The following GLRA2 variants were observed in gnomAD, a reference collection of about 807,000 sequenced individuals.
The protein encoded by GLRA2 is glycine receptor alpha 2.
In GLRA2, 11 loss-of-function variants were observed where a neutral mutation model predicts 31.6. The observed-to-expected ratio is 0.35, with a 90% CI of 0.22 to 0.58. GLRA2 has a LOEUF of 0.58. GLRA2 is among the 20% of genes least tolerant of loss of function. The probability of loss-of-function intolerance (pLI) is 0.84; values close to 1 mark genes in which losing one functional copy is unlikely to be tolerated. For missense variants in GLRA2, 212 were observed against 351.8 expected (o/e 0.60, Z 3.18); for synonymous variants, 132 against 134.0 (o/e 0.99, Z 0.10).
intron 7 of GLRA2, among the ~76,000 whole-genome samples, chrX:14,681,911 A>AAAAAATATATATATATATATATATG (rs2091212386): frequency 1.8e-5 from 1 of 56,820 alleles, no homozygotes; most frequent in African/African-American, 8.8e-5. Context: ...AAAAAAAAAA[A>AAAAAATATATATATATATATATATG]TATATATATA....
chrX:14,715,953 A>G (rs763117960), intron 8 of GLRA2, among the ~76,000 whole-genome samples: 79 of 111,918 alleles, frequency 7.1e-4, no homozygotes, highest in Admixed American at 1.4e-3. Context: ...ATTAAAATGT[A>G]GGTCCCTTGT....
chrX:14,690,205 A>C (rs1463402530), intron 7 of GLRA2, among the ~76,000 whole-genome samples: 1 of 112,075 alleles, frequency 8.9e-6, no homozygotes, highest in Non-Finnish European at 1.9e-5. Flanking sequence ...CAATTTAAAA[A>C]ATAGAAGTGA....
intron 7 of GLRA2, among the ~76,000 whole-genome samples, chrX:14,682,647 C>T (rs1289686339): frequency 9.1e-6 from 1 of 109,938 alleles, no homozygotes; most frequent in African/African-American, 3.3e-5. Flanking sequence ...GTGTGCTGCA[C>T]CCGATAACTC....
intron 7 of GLRA2, among the ~76,000 whole-genome samples, chrX:14,618,117 C>T (rs1343394402): frequency 8.9e-6 from 1 of 112,001 alleles, no homozygotes; most frequent in African/African-American, 3.2e-5. Flanking sequence ...TTTGAAACCA[C>T]TCTTAAAATT....
chrX:14,625,940 G>T lies in GLRA2; in HGVS notation c.930+16735G>T, dbSNP rs1011652298. Among the ~76,000 whole-genome samples, 34 of 111,953 alleles carry T rather than the reference G, an allele frequency of 3.0e-4. 1 individual carries two copies. The highest frequency in any genetic ancestry group is 7.5e-5 in the Non-Finnish European group (4 of 53,069). ...CAGAAGGGTTAAATACCTTGCTCAA[G>T]GTCATACAGAGCTAGACCTTAAACT... On this transcript the variant is annotated intron_variant, in intron 7 of 8. Coordinates refer to ENST00000218075, the MANE Select transcript of GLRA2 (RefSeq NM_002063.4).
At chrX:14,682,135 G>A (rs1041694502) in intron 7 of GLRA2, among the ~76,000 whole-genome samples, 11 of 106,519 alleles carry the variant, frequency 1.0e-4, no homozygotes, top group African/African-American at 3.4e-4. Flanking sequence ...AAGAAACATG[G>A]CCCCTAACTC....
chrX:14,524,649 G>T (rs941899240), upstream of GLRA2, among the ~76,000 whole-genome samples: 1 of 111,284 alleles, frequency 9.0e-6, no homozygotes, highest in Non-Finnish European at 1.9e-5. Flanking sequence ...TAAAAGTCCT[G>T]ACACAGGATA....
chrX:14,642,522 A>G (rs746598301), intron 7 of GLRA2, among the ~76,000 whole-genome samples: 1 of 110,883 alleles, frequency 9.0e-6, no homozygotes, highest in East Asian at 2.8e-4. Context: ...TCCTTTATCA[A>G]TCTATGCCAT....
intron 7 of GLRA2, among the ~76,000 whole-genome samples, chrX:14,685,338 CT>C (rs1006716261): frequency 9.0e-6 from 1 of 111,671 alleles, no homozygotes; most frequent in African/African-American, 3.3e-5. Flanking sequence ...CATAAAATGA[CT>C]TAGGGAGGAT....
intron 7 of GLRA2, among the ~76,000 whole-genome samples, chrX:14,649,637 T>G (rs2147136760): frequency 8.9e-6 from 1 of 112,022 alleles, no homozygotes; most frequent in Non-Finnish European, 1.9e-5. Flanking sequence ...ATTAATTGTA[T>G]TTTTAATGTT....
At chrX:14,706,671 G>A (rs2091627654) in intron 8 of GLRA2, among the ~76,000 whole-genome samples, 1 of 111,564 alleles carries the variant, frequency 9.0e-6, no homozygotes, top group South Asian at 3.8e-4. Context: ...TCCTATAACT[G>A]AGAAGGTTCC....
At chrX:14,552,407 T>A (rs1001240426) in intron 2 of GLRA2, among the ~76,000 whole-genome samples, 1 of 112,424 alleles carries the variant, frequency 8.9e-6, no homozygotes, top group Admixed American at 9.4e-5. Context: ...ATGCTCTCAT[T>A]TGTTCTCTAC....
At chrX:14,623,991 G>A (rs1169280517) in intron 7 of GLRA2, among the ~76,000 whole-genome samples, 1 of 111,046 alleles carries the variant, frequency 9.0e-6, no homozygotes, top group East Asian at 2.8e-4. Flanking sequence ...GACTTTTTTT[G>A]GTTAGTAGGC....
intron 7 of GLRA2, among the ~76,000 whole-genome samples, chrX:14,674,072 C>T (rs1403827877): frequency 1.8e-5 from 2 of 112,306 alleles, no homozygotes; most frequent in African/African-American, 6.5e-5. Flanking sequence ...TAATGCAAAT[C>T]GCAGCTCAAC....
At chrX:14,499,769 C>T in the GLRA2 span, among the ~76,000 whole-genome samples, 1 of 110,852 alleles carries the variant, frequency 9.0e-6, no homozygotes, top group African/African-American at 3.3e-5. Context: ...ATCTGTGTGA[C>T]GGGATCAATA....
chrX:14,661,279 G>C (rs2090987986), intron 7 of GLRA2, among the ~76,000 whole-genome samples: 1 of 112,181 alleles, frequency 8.9e-6, no homozygotes, highest in Non-Finnish European at 1.9e-5. Context: ...TCATAGTAAA[G>C]GATCAAATAT....
intron 7 of GLRA2, among the ~76,000 whole-genome samples, chrX:14,661,069 T>A (rs1052899186): frequency 9.1e-6 from 1 of 110,123 alleles, no homozygotes; most frequent in African/African-American, 3.3e-5. Flanking sequence ...ATAATAACAC[T>A]GTGTTTTGCT....
chrX:14,624,973 G>T (rs955728205), intron 7 of GLRA2, among the ~76,000 whole-genome samples: 1 of 111,269 alleles, frequency 9.0e-6, no homozygotes, highest in African/African-American at 3.3e-5. Context: ...CATTATTGTT[G>T]TATGGGAGTC....
In GLRA2 at chrX:14,568,715, G is replaced by GAAAAAGA. The variant is rs1569497786; in HGVS notation, c.203-5613_203-5612insGAAAAAA. On this transcript the variant is annotated intron_variant, in intron 2 of 8. Transcript: ENST00000218075. The stretch of plus-strand genomic sequence containing the variant: ...CTCAAAAAAAAAAAAAAAAAGAAAA[G>GAAAAAGA]AAAAAAAAGAAATAGTGCTGGCACA... 6.1e-5 allele frequency among the ~76,000 whole-genome samples: 6 copies of GAAAAAGA among 98,319 alleles called. 1 individual carries two copies. Among genetic ancestry groups the GAAAAAGA allele is most frequent in the African/African-American group, 1.1e-4 (3 of 26,769 alleles). 85.4% of individuals were successfully genotyped at this position (98,319 alleles called of 115,157 possible).
Sources: allele counts gnomAD v4.1 joint callset (sites outside exome capture counted in the v4.1 genomes callset), GRCh38; gene constraint gnomAD v4.1.1; transcripts MANE v1.5; gene names NCBI Gene and HGNC (gene_info 2026-07-23, HGNC 2026-07-21).